FOCAD: variants seen among roughly 807,000 people sequenced by gnomAD.
The protein encoded by FOCAD is focadhesin, also known as KIAA1797.
A neutral mutation model predicts 225.6 loss-of-function variants in FOCAD; 198 were observed. That is an observed-to-expected ratio of 0.88 (90% CI 0.78 to 0.99). The LOEUF (loss-of-function observed/expected upper bound fraction) is 0.99. FOCAD is among the 50% of genes least tolerant of loss of function. FOCAD has a pLI of 0.00. For missense variants in FOCAD, 2,713 were observed against 2,123.6 expected (o/e 1.28, Z -5.46); for synonymous variants, 897 against 755.0 (o/e 1.19, Z -3.08).
intron 42 of FOCAD, among the ~76,000 whole-genome samples, chr9:20,992,168 T>C (rs1841730443): frequency 6.6e-6 from 1 of 152,202 alleles, no homozygotes. Context: ...TTGATTAAAT[T>C]ACCCTGTATC....
At chr9:20,881,471 A>G (rs532530390) in intron 19 of FOCAD, among the ~76,000 whole-genome samples, 94 of 152,332 alleles carry the variant, frequency 6.2e-4, no homozygotes, top group African/African-American at 2.2e-3. Context: ...GGGCAGAGGA[A>G]GGTTTATAGA....
intron 11 of FOCAD, among the ~76,000 whole-genome samples, chr9:20,814,376 G>A (rs1587274193): frequency 6.8e-6 from 1 of 147,934 alleles, no homozygotes. Flanking sequence ...TTTTTTCTGA[G>A]ATGAAGTCTC....
At chr9:20,658,406 ACTG>A (rs1014505220) in exon 1 of FOCAD, 8 of 166,456 alleles carry the variant, frequency 4.8e-5, no homozygotes, top group African/African-American at 1.9e-4. Context: ...TTGATCTCAG[ACTG>A]CTGTGCTAGC....
At chr9:20,692,237 A>C (rs1404557604) in intron 1 of FOCAD, among the ~76,000 whole-genome samples, 1 of 152,154 alleles carries the variant, frequency 6.6e-6, no homozygotes, top group Non-Finnish European at 1.5e-5. Flanking sequence ...TTCCTATTTC[A>C]GTTAACAGAA....
intron 16 of FOCAD, among the ~76,000 whole-genome samples, chr9:20,864,112 T>C (rs909384587): frequency 1.3e-5 from 2 of 152,036 alleles, no homozygotes; most frequent in Non-Finnish European, 1.5e-5. Context: ...AGTGAAGAAA[T>C]GTAGAAGGGA....
chr9:20,917,083 C>A, intron 24 of FOCAD, 146 bp downstream of exon 24: 2 of 620,266 alleles, frequency 3.2e-6, no homozygotes, highest in Non-Finnish European at 2.7e-6. Flanking sequence ...TAATCGTTAC[C>A]CTTCTTATAG....
intron 2 of FOCAD, among the ~76,000 whole-genome samples, chr9:20,675,530 A>G (rs914812395): frequency 1.3e-5 from 2 of 152,212 alleles, no homozygotes; most frequent in African/African-American, 4.8e-5. Flanking sequence ...CAGGGAGACA[A>G]TGGTCAGAAA....
chr9:20,843,280 G>A (rs541992596), intron 15 of FOCAD, among the ~76,000 whole-genome samples: 36 of 151,874 alleles, frequency 2.4e-4, no homozygotes, highest in Non-Finnish European at 4.1e-4. Flanking sequence ...AGCATTTCTT[G>A]TGGGACAGGT....
intron 1 of FOCAD, among the ~76,000 whole-genome samples, chr9:20,696,991 C>T (rs1170623199): frequency 3.3e-5 from 5 of 152,152 alleles, no homozygotes; most frequent in African/African-American, 1.2e-4. Flanking sequence ...CAAAGACCCT[C>T]CACGGATGTT....
chr9:20,668,711 G>C (rs888972661), intron 2 of FOCAD, among the ~76,000 whole-genome samples: 6 of 152,200 alleles, frequency 3.9e-5, no homozygotes, highest in Non-Finnish European at 7.3e-5. Flanking sequence ...ATATGAACTG[G>C]CCTACAGCTT....
At chr9:20,722,107 A>ATT (rs1825836457) in intron 4 of FOCAD, among the ~76,000 whole-genome samples, 1 of 143,856 alleles carries the variant, frequency 7.0e-6, no homozygotes, top group African/African-American at 2.6e-5. Flanking sequence ...CCTGGGCATT[A>ATT]TTGTAGCTCA....
chr9:20,746,109 T>C (rs1343658598), intron 5 of FOCAD, among the ~76,000 whole-genome samples: 1 of 152,232 alleles, frequency 6.6e-6, no homozygotes, highest in Admixed American at 6.5e-5. Flanking sequence ...AGATAAATAC[T>C]GATTTAAGTG....
At chr9:20,874,999 G>A (rs1269068496) in intron 19 of FOCAD, 192 bp downstream of exon 19, 6 of 634,978 alleles carry the variant, frequency 9.4e-6, no homozygotes, top group East Asian at 8.9e-5. Flanking sequence ...ACGAAAAAAC[G>A]TTACATCTGA....
intron 24 of FOCAD, among the ~76,000 whole-genome samples, chr9:20,922,479 A>T (rs555100049): frequency 6.6e-6 from 1 of 152,196 alleles, no homozygotes; most frequent in African/African-American, 2.4e-5. Context: ...CCTGAGTCCC[A>T]TTCTTACCAA....
chr9:20,715,835 G>T (rs1825288282), intron 2 of FOCAD, among the ~76,000 whole-genome samples: 2 of 152,036 alleles, frequency 1.3e-5, no homozygotes, highest in Admixed American at 6.5e-5. Flanking sequence ...AAATATCCTG[G>T]ATTAGAAAAT....
At position 20,797,857 on chromosome 9, in the gene FOCAD, G is replaced by T. The variant is rs182965419; in HGVS notation, c.1455+8249G>T. Among the ~76,000 whole-genome samples the T allele has an allele frequency of 3.6e-3, 544 of 152,084 alleles. 4 individuals are homozygous for T. Among genetic ancestry groups the T allele is most frequent in the African/African-American group, 0.012 (490 of 41,478 alleles). On this transcript the variant is annotated intron_variant, in intron 11 of 43. Transcript: ENST00000338382. ...CTTTATTTCCTTCTTCTGCCTGATT[G>T]CCCTGGCCAGAACTTCCAACACTAT...
intron 1 of FOCAD, among the ~76,000 whole-genome samples, chr9:20,686,762 G>A (rs1261101915): frequency 1.3e-5 from 2 of 152,128 alleles, no homozygotes; most frequent in African/African-American, 4.8e-5. Context: ...ATACTTATAT[G>A]AGTATAAGTC....
intron 6 of FOCAD, among the ~76,000 whole-genome samples, chr9:20,759,243 C>T (rs377071740): frequency 0.03 from 4,529 of 152,184 alleles, 218 homozygotes; most frequent in African/African-American, 0.095. Flanking sequence ...AAAAAGAGCC[C>T]GCATTGCCAA....
At chr9:20,936,834 G>A (rs940482394) in intron 28 of FOCAD, among the ~76,000 whole-genome samples, 7 of 152,156 alleles carry the variant, frequency 4.6e-5, no homozygotes, top group Non-Finnish European at 8.8e-5. Flanking sequence ...AAACCCCATC[G>A]TGTCAGCCCA....
Sources: allele counts gnomAD v4.1 joint callset (sites outside exome capture counted in the v4.1 genomes callset), GRCh38; gene constraint gnomAD v4.1.1; transcripts MANE v1.5; gene names NCBI Gene and HGNC (gene_info 2026-07-23, HGNC 2026-07-21).